The following UNC5C variants were observed in gnomAD, a reference collection of about 807,000 sequenced individuals.
The protein encoded by UNC5C is netrin receptor UNC5C.
In UNC5C, 47 loss-of-function variants were observed where a neutral mutation model predicts 99.8. That is an observed-to-expected ratio of 0.47 (90% CI 0.37 to 0.60). UNC5C has a LOEUF of 0.60. Ranked by LOEUF, UNC5C falls within the 20% of genes least tolerant of loss-of-function variation. The probability of loss-of-function intolerance (pLI) is 0.00; values close to 1 mark genes in which losing one functional copy is unlikely to be tolerated. For synonymous variants in UNC5C, 487 were observed against 452.2 expected (o/e 1.08, Z -0.98); for missense variants, 1,062 against 1,165.9 (o/e 0.91, Z 1.30).
rs1350125407 is a variant in UNC5C at position 95,169,362 on chromosome 4, C to T, written c.2668G>A (p.Gly890Ser). 1 of 1,614,166 alleles carries T rather than the reference C, an allele frequency of 6.2e-7. No homozygotes were observed. The highest frequency in any genetic ancestry group is 1.1e-5 in the South Asian group (1 of 91,078). Residue 890 changes from glycine to serine, a missense_variant, in exon 16 of 16, where the codon GGC becomes AGC. By Grantham distance (56) the Gly-to-Ser change is moderately conservative. Transcript: ENST00000453304. ...NYFATKSSPT[G>S]VILDLWEAQN... ...GCTTCCCAAAGATCCAGGATTACGCCAGTTGGGCTGGATTTGGTGGCAAAG... is the reference window on the plus strand; with the variant it reads ...GCTTCCCAAAGATCCAGGATTACGCTAGTTGGGCTGGATTTGGTGGCAAAG...
At chr4:95,442,770 G>A (rs1397333432) in intron 1 of UNC5C, among the ~76,000 whole-genome samples, 1 of 152,030 alleles carries the variant, frequency 6.6e-6, no homozygotes, top group African/African-American at 2.4e-5. Flanking sequence ...ATGCAGACGT[G>A]TCCTTAATTT....
chr4:95,226,259 G>C (rs897058984), intron 7 of UNC5C, among the ~76,000 whole-genome samples: 8 of 152,216 alleles, frequency 5.3e-5, no homozygotes, highest in African/African-American at 1.9e-4. Flanking sequence ...ATGAACATCA[G>C]CTTGAATCCT....
chr4:95,326,465 A>C (rs1488138330), intron 2 of UNC5C, among the ~76,000 whole-genome samples: 1 of 152,194 alleles, frequency 6.6e-6, no homozygotes, highest in Non-Finnish European at 1.5e-5. Context: ...TTAAAAATGT[A>C]ACCACAAAAT....
chr4:95,501,833 T>A (rs1273154421), intron 1 of UNC5C, among the ~76,000 whole-genome samples: 2 of 152,196 alleles, frequency 1.3e-5, no homozygotes, highest in African/African-American at 4.8e-5. Flanking sequence ...CAGTGATGAA[T>A]GACCTCTTTC....
chr4:95,212,914 C>T (rs1027919500), intron 10 of UNC5C, among the ~76,000 whole-genome samples: 8 of 152,238 alleles, frequency 5.3e-5, no homozygotes, highest in Admixed American at 5.2e-4. Context: ...GCTCACCCTC[C>T]GGCCCGGTTC....
chr4:95,516,958 G>A (rs554061646), intron 1 of UNC5C, among the ~76,000 whole-genome samples: 14 of 152,212 alleles, frequency 9.2e-5, no homozygotes, highest in African/African-American at 2.4e-4. Flanking sequence ...AGAGGCTTCC[G>A]GGGAGCATGA....
intron 10 of UNC5C, among the ~76,000 whole-genome samples, chr4:95,215,307 A>G (rs1738209616): frequency 1.3e-5 from 2 of 152,250 alleles, no homozygotes; most frequent in African/African-American, 4.8e-5. Context: ...TAATTACATG[A>G]TGAGGATCTC....
At chr4:95,444,062 G>T (rs1358711151) in intron 1 of UNC5C, among the ~76,000 whole-genome samples, 2 of 152,084 alleles carry the variant, frequency 1.3e-5, no homozygotes, top group Non-Finnish European at 2.9e-5. Context: ...ATATGCTAAT[G>T]GTCTCCTGAA....
intron 2 of UNC5C, among the ~76,000 whole-genome samples, chr4:95,316,580 A>G (rs1004221286): frequency 2.0e-5 from 3 of 152,214 alleles, no homozygotes; most frequent in Admixed American, 6.5e-5. Context: ...TGAAAAATAC[A>G]AACAAGACTT....
intron 14 of UNC5C, among the ~76,000 whole-genome samples, chr4:95,178,120 C>T (rs1349614726): frequency 6.6e-6 from 1 of 152,216 alleles, no homozygotes; most frequent in Non-Finnish European, 1.5e-5. Flanking sequence ...CCTGTGCTTC[C>T]ACCACTTCAC....
At chr4:95,227,057 G>A (rs529249736) in intron 7 of UNC5C, among the ~76,000 whole-genome samples, 1 of 152,214 alleles carries the variant, frequency 6.6e-6, no homozygotes, top group East Asian at 1.9e-4. Context: ...CCTGGGTACA[G>A]TGTGGCCTCA....
chr4:95,438,281 A>C (rs1051013104), intron 1 of UNC5C, among the ~76,000 whole-genome samples: 5 of 151,974 alleles, frequency 3.3e-5, no homozygotes, highest in Non-Finnish European at 7.4e-5. Flanking sequence ...AAAATTAAAA[A>C]CCTTCTTCTC....
intron 7 of UNC5C, among the ~76,000 whole-genome samples, chr4:95,228,222 A>C (rs1738766940): frequency 6.6e-6 from 1 of 152,146 alleles, no homozygotes; most frequent in African/African-American, 2.4e-5. Flanking sequence ...TTCCCCAATA[A>C]ACAGCAACTA....
intron 7 of UNC5C, chr4:95,222,280 A>T (rs749058294): frequency 1.4e-6 from 2 of 1,430,606 alleles, no homozygotes. Flanking sequence ...GAAAAGAAAA[A>T]AAAATGAAAC....
At chr4:95,343,865 C>T (rs565074940) in intron 1 of UNC5C, among the ~76,000 whole-genome samples, 7 of 151,946 alleles carry the variant, frequency 4.6e-5, no homozygotes, top group South Asian at 2.1e-4. Flanking sequence ...AGCTTGAAGT[C>T]GGGTTATTTG....
intron 1 of UNC5C, among the ~76,000 whole-genome samples, chr4:95,533,398 A>C (rs1722702442): frequency 6.6e-6 from 1 of 151,860 alleles, no homozygotes; most frequent in South Asian, 2.1e-4. Context: ...CTCCGTCTCA[A>C]AAAAAGAAAA....
intron 1 of UNC5C, among the ~76,000 whole-genome samples, chr4:95,426,366 C>T (rs963608060): frequency 6.6e-6 from 1 of 152,218 alleles, no homozygotes; most frequent in Admixed American, 6.5e-5. Context: ...TCTCATCTCT[C>T]TCTCTCTTCA....
chr4:95,312,454 G>C (rs1553962746), intron 2 of UNC5C, among the ~76,000 whole-genome samples: 1 of 152,132 alleles, frequency 6.6e-6, no homozygotes, highest in Non-Finnish European at 1.5e-5. Flanking sequence ...CTTAATTGTA[G>C]CTTAGACGAG....
intron 14 of UNC5C, among the ~76,000 whole-genome samples, chr4:95,170,850 G>A (rs1022894163): frequency 2.6e-5 from 4 of 152,190 alleles, no homozygotes; most frequent in African/African-American, 9.7e-5. Flanking sequence ...TGCTTTTGTT[G>A]AATGAACTGG....
Sources: allele counts gnomAD v4.1 joint callset (sites outside exome capture counted in the v4.1 genomes callset), GRCh38; gene constraint gnomAD v4.1.1; transcripts MANE v1.5; gene names NCBI Gene and HGNC (gene_info 2026-07-23, HGNC 2026-07-21).